The following CYP19A1 variants were observed in gnomAD, a reference collection of about 807,000 sequenced individuals.
The protein encoded by CYP19A1 is cytochrome P450 family 19 subfamily A member 1, also known as aromatase.
CYP19A1 carries 32 observed loss-of-function variants against 44.4 expected under a neutral mutation model. The ratio of observed to expected loss-of-function variants is 0.72; its 90% confidence interval spans 0.54 to 0.97. The LOEUF is 0.97. Among genes scored for constraint, CYP19A1 ranks in the 50% least tolerant of loss-of-function variants. CYP19A1 has a pLI of 0.00. For synonymous variants in CYP19A1, 212 were observed against 215.6 expected (o/e 0.98, Z 0.14); for missense variants, 598 against 637.8 (o/e 0.94, Z 0.67).
chr15:51,251,486 C>T (rs915118629), intron 1 of CYP19A1, among the ~76,000 whole-genome samples: 5 of 152,204 alleles, frequency 3.3e-5, no homozygotes, highest in African/African-American at 1.2e-4. Flanking sequence ...ATAAGTTCCT[C>T]CAGAGCAAGG....
chr15:51,220,732 T>C (rs983332954), intron 5 of CYP19A1, among the ~76,000 whole-genome samples: 10 of 152,356 alleles, frequency 6.6e-5, no homozygotes, highest in African/African-American at 2.4e-4. Context: ...TTCTTTATGC[T>C]GAGAACATTC....
intron 1 of CYP19A1, among the ~76,000 whole-genome samples, chr15:51,330,662 A>G (rs1006340088): frequency 2.9e-4 from 44 of 152,212 alleles, no homozygotes; most frequent in African/African-American, 1.0e-3. Flanking sequence ...GTAGGGCACA[A>G]CCCTGGAGAA....
At chr15:51,313,068 C>T (rs1418698986) in intron 1 of CYP19A1, 1 of 152,278 alleles carries the variant, frequency 6.6e-6, no homozygotes, top group Non-Finnish European at 1.5e-5. Context: ...TCTTCCCTCC[C>T]TTCATGAGCC....
chr15:51,308,159 G>A (rs1162692028), intron 1 of CYP19A1, among the ~76,000 whole-genome samples: 2 of 152,190 alleles, frequency 1.3e-5, no homozygotes, highest in South Asian at 4.1e-4. Flanking sequence ...GGAGTAGGAG[G>A]AGAAGCTGCC....
intron 1 of CYP19A1, among the ~76,000 whole-genome samples, chr15:51,304,373 T>C (rs999497073): frequency 1.3e-5 from 2 of 152,144 alleles, no homozygotes; most frequent in Non-Finnish European, 2.9e-5. Context: ...ACAAATTAAG[T>C]CCTCTTTACA....
At chr15:51,328,067 A>G (rs898114174) in intron 1 of CYP19A1, among the ~76,000 whole-genome samples, 3 of 152,234 alleles carry the variant, frequency 2.0e-5, no homozygotes, top group Non-Finnish European at 4.4e-5. Flanking sequence ...TTAAATGCAC[A>G]CAGAGTCACA....
At chr15:51,329,506 C>T (rs1249545330) in intron 1 of CYP19A1, among the ~76,000 whole-genome samples, 5 of 152,116 alleles carry the variant, frequency 3.3e-5, no homozygotes, top group African/African-American at 7.2e-5. Flanking sequence ...AATGGGAAGG[C>T]CAGCAAGGCC....
In CYP19A1 at chr15:51,308,468, A is replaced by G. The variant is rs1428758849; in HGVS notation, c.-39+30027T>C. Among the ~76,000 whole-genome samples the G allele has an allele frequency of 2.6e-5, 4 of 152,074 alleles. No homozygotes were observed. The East Asian group carries it at 5.8e-4, about 22-fold the overall frequency. The stretch of plus-strand genomic sequence containing the variant: ...GGGAATAAGCACTTGATTGAATTAT[A>G]TCCCAGGGAGGTATAGGTCTGAAGA... On this transcript the variant is annotated intron_variant, in intron 1 of 9. Coordinates refer to ENST00000396402, the MANE Select transcript of CYP19A1 (RefSeq NM_000103.4).
intron 1 of CYP19A1, among the ~76,000 whole-genome samples, chr15:51,283,475 C>T (rs1052684307): frequency 6.6e-6 from 1 of 152,174 alleles, no homozygotes; most frequent in Admixed American, 6.5e-5. Flanking sequence ...GGAATTCAAG[C>T]AAGCCATTAC....
chr15:51,310,480 A>T (rs2036291770), intron 1 of CYP19A1, among the ~76,000 whole-genome samples: 1 of 152,198 alleles, frequency 6.6e-6, no homozygotes, highest in Non-Finnish European at 1.5e-5. Context: ...AGTGTGGGGA[A>T]AATCTTTGTC....
intron 1 of CYP19A1, among the ~76,000 whole-genome samples, chr15:51,272,455 A>G (rs1024664534): frequency 1.3e-5 from 2 of 152,208 alleles, no homozygotes; most frequent in Non-Finnish European, 2.9e-5. Context: ...ACACCACTCT[A>G]TGGTGTTGGC....
chr15:51,309,707 A>G (rs2036277393), intron 1 of CYP19A1, among the ~76,000 whole-genome samples: 1 of 152,224 alleles, frequency 6.6e-6, no homozygotes, highest in African/African-American at 2.4e-5. Context: ...GAGAGAAACA[A>G]TGATAGAAGT....
At chr15:51,274,996 T>C (rs2140959972) in intron 1 of CYP19A1, among the ~76,000 whole-genome samples, 1 of 152,294 alleles carries the variant, frequency 6.6e-6, no homozygotes, top group East Asian at 1.9e-4. Context: ...CTCCTTCACC[T>C]TAACTTGGTG....
At chr15:51,262,898 G>A (rs909215982) in intron 1 of CYP19A1, among the ~76,000 whole-genome samples, 1 of 152,146 alleles carries the variant, frequency 6.6e-6, no homozygotes, top group African/African-American at 2.4e-5. Context: ...TTGCACTCCT[G>A]GAGCCTATAG....
chr15:51,298,536 C>T (rs2036046052), intron 1 of CYP19A1, among the ~76,000 whole-genome samples: 1 of 152,150 alleles, frequency 6.6e-6, no homozygotes, highest in South Asian at 2.1e-4. Flanking sequence ...ACTTTCTCAT[C>T]TGTAGAAATT....
intron 4 of CYP19A1, among the ~76,000 whole-genome samples, chr15:51,223,593 T>TCACA (rs5812545): frequency 0.024 from 2,196 of 90,190 alleles, 39 homozygotes; most frequent in Non-Finnish European, 0.03. Context: ...TCTCTCTCTC[T>TCACA]CACACACACA....
Position 51,212,437 on chromosome 15 carries a change from T to C in CYP19A1, c.1146A>G (p.Val382=). The change falls in exon 9 of 10, where the codon GTA becomes GTG. Residue 382 remains valine (V), a synonymous_variant. Transcript: ENST00000396402. The part of the protein sequence containing the change: ...LVMRKALEDD[V]IDGYPVKKGT... ...CCTTTTTCACTGGGTAGCCATCGAT[T>C]ACATCATCTTCTAAGGCTTTGCGCA... The C allele has an allele frequency of 6.2e-7, 1 of 1,609,810 alleles. No homozygotes were observed. The highest frequency in any genetic ancestry group is 1.7e-4 in the Middle Eastern group (1 of 6,056).
At chr15:51,322,912 A>G (rs968823938) in intron 1 of CYP19A1, among the ~76,000 whole-genome samples, 1 of 152,234 alleles carries the variant, frequency 6.6e-6, no homozygotes, top group African/African-American at 2.4e-5. Flanking sequence ...TAGGGAACAC[A>G]TCCACTTCTG....
intron 2 of CYP19A1, among the ~76,000 whole-genome samples, chr15:51,240,562 C>T (rs1747266881): frequency 6.6e-6 from 1 of 152,174 alleles, no homozygotes; most frequent in Non-Finnish European, 1.5e-5. Flanking sequence ...CTGGCAGGAG[C>T]TCAGGAGTAT....
Sources: gnomAD v4.1 joint callset for allele counts (sites outside exome capture counted in the v4.1 genomes callset) on GRCh38, gnomAD v4.1.1 for gene constraint, MANE v1.5 for transcripts, NCBI Gene and HGNC (gene_info 2026-07-23, HGNC 2026-07-21) for gene names.